The following AP1G1 variants were observed in gnomAD, a reference collection of about 807,000 sequenced individuals.
The protein encoded by AP1G1 is AP-1 complex subunit gamma-1.
Under a neutral mutation model 108.3 loss-of-function variants are expected in AP1G1, and 7 were observed. That is an observed-to-expected ratio of 0.06 (90% CI 0.04 to 0.12). AP1G1 has a LOEUF of 0.12. AP1G1 is among the 10% of genes least tolerant of loss of function. The pLI, the probability that AP1G1 is intolerant of heterozygous loss-of-function variation, is 1.00. For missense variants in AP1G1, 756 were observed against 1,010.7 expected, an observed-to-expected ratio of 0.75 and a Z score of 3.42; for synonymous variants, 379 against 353.5, an observed-to-expected ratio of 1.07 and a Z score of -0.81.
chr16:71,747,305 AT>A (rs2030232605), intron 16 of AP1G1: 1 of 152,242 alleles, frequency 6.6e-6, no homozygotes, highest in African/African-American at 2.4e-5. Flanking sequence ...AACATTCATG[AT>A]TTTATTCCTA....
At chr16:71,748,415 G>C (rs766093668) in intron 15 of AP1G1, 37 bp from the exon 16 acceptor site, 1 of 1,599,698 alleles carries the variant, frequency 6.3e-7, no homozygotes, top group Admixed American at 1.8e-5. Flanking sequence ...GATGAAGAAT[G>C]AGTAGCATGA....
intron 1 of AP1G1, among the ~76,000 whole-genome samples, chr16:71,800,868 G>A (rs1567665897): frequency 1.3e-5 from 2 of 151,894 alleles, no homozygotes; most frequent in Admixed American, 1.3e-4. Context: ...GGTGGCACAT[G>A]TCTGTAATCC....
intron 21 of AP1G1, among the ~76,000 whole-genome samples, chr16:71,735,918 G>A (rs2045529390): frequency 1.3e-5 from 2 of 150,458 alleles, no homozygotes; most frequent in Admixed American, 6.6e-5. Flanking sequence ...ATCACCTGAG[G>A]TCAGGAGATC....
intron 2 of AP1G1, among the ~76,000 whole-genome samples, chr16:71,785,855 C>A (rs866034279): frequency 6.6e-6 from 1 of 151,970 alleles, no homozygotes; most frequent in Non-Finnish European, 1.5e-5. Flanking sequence ...GCACTCCAGC[C>A]TGGGCAACAG....
chr16:71,749,951 T>A lies in AP1G1; in HGVS notation c.1440A>T (p.Ile480=), dbSNP rs918091333. The A allele has an allele frequency of 1.9e-6, 3 of 1,613,422 alleles. No homozygotes were observed. The highest frequency in any genetic ancestry group is 2.7e-5 in the African/African-American group (2 of 74,900). Residue 480 remains isoleucine, a synonymous_variant, in exon 15 of 23, where the codon ATA becomes ATT. Transcript: ENST00000299980. ...ATACAAGAAGATCACCATATTCACC[T>A]ATACACCATGCAGCCACTTGTACCA... is the stretch of plus-strand genomic sequence containing the variant. ...QPLVQVAAWC[I]GEYGDLLVSG... is the part of the protein sequence containing the mutation.
rs1003922317 is a variant in AP1G1 at position 71,750,126 on chromosome 16, G to C, written c.1407+84C>G. On this transcript the variant is annotated intron_variant, in intron 14 of 22. Transcript: ENST00000299980. ...ATAAAGACATACCAAAGGGGAGAGA[G>C]GAGGGGGGAAAAAAAAGAAGAAAAA... 7.8e-6 allele frequency: 12 copies of C among 1,542,346 alleles called. No individual in the cohort carries two copies. The Admixed American group carries it at 1.9e-4, about 24-fold the overall frequency.
chr16:71,764,643 C>T lies in AP1G1; in HGVS notation c.819+3G>A. On this transcript the variant is annotated splice_donor_region_variant and intron_variant, in intron 8 of 22. Coordinates refer to ENST00000299980, the MANE Select transcript of AP1G1 (RefSeq NM_001128.6). ...ATATATTTAATATGTTTGGTCTACT[C>T]ACCTGTGCTAATATATCATTCATAG... 6.3e-7 allele frequency: 1 copy of T among 1,590,162 alleles called. No homozygotes were observed. The highest frequency in any genetic ancestry group is 8.6e-7 in the Non-Finnish European group (1 of 1,168,908).
intron 3 of AP1G1, 199 bp downstream of exon 3, chr16:71,774,269 G>C: frequency 1.9e-6 from 1 of 533,238 alleles, no homozygotes; most frequent in Non-Finnish European, 3.2e-6. Context: ...TCCCAGCTAC[G>C]CAGGAGGCTG....
chr16:71,752,057 T>TG (rs1340042336), intron 13 of AP1G1, among the ~76,000 whole-genome samples: 1 of 152,154 alleles, frequency 6.6e-6, no homozygotes, highest in Non-Finnish European at 1.5e-5. Context: ...CCTGACCACG[T>TG]ATTCCAGGTA....
intron 1 of AP1G1, among the ~76,000 whole-genome samples, chr16:71,799,955 T>C (rs2032726587): frequency 6.6e-6 from 1 of 151,554 alleles, no homozygotes; most frequent in Admixed American, 6.6e-5. Context: ...GTGCGGTGGC[T>C]CACGCCTGTA....
chr16:71,780,518 T>A (rs1465255641), intron 2 of AP1G1, among the ~76,000 whole-genome samples: 4 of 139,972 alleles, frequency 2.9e-5, no homozygotes, highest in African/African-American at 8.2e-5. Context: ...AAAAAAAAAA[T>A]TGCAGCTTTA....
chr16:71,801,333 TAA>T (rs11307473), intron 1 of AP1G1, among the ~76,000 whole-genome samples: 336 of 145,372 alleles, frequency 2.3e-3, no homozygotes, highest in Middle Eastern at 7.1e-3. Context: ...CATGACATGT[TAA>T]AAAAAAAAAA....
At chr16:71,757,872 G>A (rs2030880029) in intron 11 of AP1G1, among the ~76,000 whole-genome samples, 1 of 152,184 alleles carries the variant, frequency 6.6e-6, no homozygotes, top group African/African-American at 2.4e-5. Context: ...AAGGATTAAG[G>A]TTTAGGTTAA....
intron 15 of AP1G1, among the ~76,000 whole-genome samples, chr16:71,749,035 T>G (rs1189651127): frequency 1.3e-5 from 2 of 151,964 alleles, no homozygotes; most frequent in African/African-American, 4.8e-5. Context: ...GCCTCCCGAG[T>G]AGCTGGGACT....
At chr16:71,783,916 T>C (rs1179555147) in intron 2 of AP1G1, among the ~76,000 whole-genome samples, 2 of 152,188 alleles carry the variant, frequency 1.3e-5, no homozygotes, top group African/African-American at 4.8e-5. Context: ...GCCACCAGTT[T>C]TCTACTCCTG....
chr16:71,753,700 A>T, intron 13 of AP1G1, 133 bp downstream of exon 13: 1 of 801,288 alleles, frequency 1.2e-6, no homozygotes, highest in Non-Finnish European at 2.1e-6. Context: ...TCTTCATGGC[A>T]TTTATTCCTA....
chr16:71,756,776 T>C (rs2030809471), intron 11 of AP1G1, among the ~76,000 whole-genome samples: 1 of 151,656 alleles, frequency 6.6e-6, no homozygotes, highest in South Asian at 2.1e-4. Context: ...AGCACTTCTG[T>C]ACTAAAAATA....
chr16:71,746,158 C>T (rs1019810728), intron 17 of AP1G1, among the ~76,000 whole-genome samples: 4 of 152,050 alleles, frequency 2.6e-5, no homozygotes, highest in Non-Finnish European at 5.9e-5. Context: ...TACAGGCATG[C>T]GCCACCATGC....
chr16:71,799,978 T>C (rs947518077), intron 1 of AP1G1, among the ~76,000 whole-genome samples: 3 of 151,796 alleles, frequency 2.0e-5, no homozygotes, highest in Non-Finnish European at 4.4e-5. Context: ...CCCAGCACTT[T>C]GGGAGGCCGA....
Sources: gnomAD v4.1 joint callset for allele counts (sites outside exome capture counted in the v4.1 genomes callset) on GRCh38, gnomAD v4.1.1 for gene constraint, MANE v1.5 for transcripts, NCBI Gene and HGNC (gene_info 2026-07-23, HGNC 2026-07-21) for gene names.